Variants in PCGF5 observed in about 807,000 individuals in gnomAD.
The protein encoded by PCGF5 is polycomb group ring finger 5, also known as polycomb group RING finger protein 5.
In PCGF5, 9 loss-of-function variants were observed where a neutral mutation model predicts 44.3. The observed-to-expected ratio is 0.20, with a 90% CI of 0.12 to 0.35. The LOEUF is 0.35. PCGF5 is among the 10% of genes least tolerant of loss of function. The pLI, the probability that PCGF5 is intolerant of heterozygous loss-of-function variation, is 1.00. For missense variants in PCGF5, 146 were observed against 305.3 expected (o/e 0.48, Z 3.89); for synonymous variants, 95 against 102.5 (o/e 0.93, Z 0.44).
chr10:91,174,997 T>A (rs1337209638), intron 1 of PCGF5, among the ~76,000 whole-genome samples: 2 of 152,210 alleles, frequency 1.3e-5, no homozygotes, highest in Non-Finnish European at 2.9e-5. Context: ...GATACCTAAG[T>A]GCCTTTAACT....
At chr10:91,173,453 T>C (rs1301135309) in intron 1 of PCGF5, among the ~76,000 whole-genome samples, 7 of 152,134 alleles carry the variant, frequency 4.6e-5, no homozygotes, top group African/African-American at 1.7e-4. Flanking sequence ...GAAATGTAAA[T>C]ACACAGTTAA....
intron 6 of PCGF5, among the ~76,000 whole-genome samples, chr10:91,257,541 G>GT (rs1342861456): frequency 6.6e-6 from 1 of 151,912 alleles, no homozygotes; most frequent in Non-Finnish European, 1.5e-5. Flanking sequence ...GTATATACTG[G>GT]TTTTTTTAAT....
chr10:91,279,650 C>T lies in PCGF5; in HGVS notation c.*1334C>T, dbSNP rs750270217. 5.9e-5 allele frequency: 9 copies of T among 151,994 alleles called. No homozygotes were observed. The East Asian group carries it at 7.7e-4, about 13-fold the overall frequency. 9.4% of individuals were successfully genotyped at this position (151,994 alleles called of 1,614,324 possible). A position where few individuals can be genotyped will look rare whatever the true frequency, so the allele number is the denominator to read the frequency against. ...TTTAATATTTACAGTTTTCAAAAAC[C>T]TTACTTGGAAATTGCTTTGAAACAA... On this transcript the variant is annotated 3_prime_UTR_variant, in exon 10 of 10. Transcript: ENST00000336126.
chr10:91,206,773 T>C (rs1382355799), intron 1 of PCGF5, among the ~76,000 whole-genome samples: 6 of 152,178 alleles, frequency 3.9e-5, no homozygotes, highest in Non-Finnish European at 1.5e-5. Flanking sequence ...CCTCCATGCC[T>C]TTGCCTTACA....
rs915721228 is a variant in PCGF5 at position 91,278,390 on chromosome 10, G to A, written c.*74G>A. On this transcript the variant is annotated 3_prime_UTR_variant, in exon 10 of 10. Coordinates refer to ENST00000336126, the MANE Select transcript of PCGF5 (RefSeq NM_032373.5). The stretch of plus-strand genomic sequence containing the variant: ...CTCGTCAACAGATTGCACAGTTAAC[G>A]GTGTGTGGACTAGAGGAACACAACC... 15 of 1,348,086 alleles carry A rather than the reference G, an allele frequency of 1.1e-5. No homozygotes were observed. Among genetic ancestry groups the A allele is most frequent in the Admixed American group, 3.4e-5 (2 of 59,080 alleles). The allele number at this position is 1,348,086 out of a possible 1,614,324, so 83.5% of individuals were successfully genotyped here.
intron 1 of PCGF5, among the ~76,000 whole-genome samples, chr10:91,171,277 A>C (rs998881228): frequency 2.0e-5 from 3 of 152,196 alleles, no homozygotes; most frequent in African/African-American, 4.8e-5. Context: ...TCTGAAGAGG[A>C]AAGTTGATGG....
chr10:91,185,958 T>C (rs1843915711), intron 1 of PCGF5, among the ~76,000 whole-genome samples: 1 of 151,986 alleles, frequency 6.6e-6, no homozygotes, highest in Admixed American at 6.5e-5. Flanking sequence ...CTGTATTTAC[T>C]CGCCCCTTTC....
At chr10:91,237,040 C>T (rs35818406) in intron 2 of PCGF5, among the ~76,000 whole-genome samples, 1 of 152,064 alleles carries the variant, frequency 6.6e-6, no homozygotes, top group East Asian at 1.9e-4. Context: ...CATTGGTTAA[C>T]AAAATGGATT....
At chr10:91,174,056 A>C (rs901083675) in intron 1 of PCGF5, among the ~76,000 whole-genome samples, 1 of 151,538 alleles carries the variant, frequency 6.6e-6, no homozygotes, top group Non-Finnish European at 1.5e-5. Context: ...AATGCAATGA[A>C]GATTTTTCAC....
At chr10:91,232,717 G>T (rs551367311) in intron 2 of PCGF5, among the ~76,000 whole-genome samples, 2 of 152,288 alleles carry the variant, frequency 1.3e-5, no homozygotes, top group South Asian at 4.1e-4. Flanking sequence ...AATAGGTGTG[G>T]TGGTAAAAGT....
At chr10:91,261,217 T>A in intron 6 of PCGF5, 109 bp from the exon 7 acceptor site, 1 of 1,276,134 alleles carries the variant, frequency 7.8e-7, no homozygotes, top group Admixed American at 3.6e-5. Flanking sequence ...CAATACATTT[T>A]AAAAATACTC....
chr10:91,214,683 A>G (rs1844510486), intron 1 of PCGF5, among the ~76,000 whole-genome samples: 2 of 152,224 alleles, frequency 1.3e-5, no homozygotes, highest in Non-Finnish European at 2.9e-5. Flanking sequence ...GAGGAGCACG[A>G]CAAACAGATG....
At chr10:91,262,872 C>T (rs750848950) in intron 7 of PCGF5, among the ~76,000 whole-genome samples, 1 of 152,180 alleles carries the variant, frequency 6.6e-6, no homozygotes. Context: ...TTATTTTCTT[C>T]ACGCAAAATA....
intron 1 of PCGF5, among the ~76,000 whole-genome samples, chr10:91,214,982 G>C (rs989605665): frequency 1.3e-5 from 2 of 152,078 alleles, no homozygotes; most frequent in Non-Finnish European, 2.9e-5. Flanking sequence ...TACTTCACTG[G>C]TAAAAAGGAT....
At chr10:91,214,463 A>G (rs1440186836) in intron 1 of PCGF5, among the ~76,000 whole-genome samples, 2 of 152,158 alleles carry the variant, frequency 1.3e-5, no homozygotes, top group African/African-American at 2.4e-5. Context: ...CTACCAGAAG[A>G]AGGGACTATA....
At chr10:91,277,544 C>G (rs2133472968) in intron 9 of PCGF5, among the ~76,000 whole-genome samples, 1 of 152,286 alleles carries the variant, frequency 6.6e-6, no homozygotes, top group African/African-American at 2.4e-5. Context: ...GCTGTTTCCT[C>G]TCTAGTTCTG....
intron 2 of PCGF5, chr10:91,227,629 A>G (rs902874711): frequency 1.8e-4 from 204 of 1,129,420 alleles, no homozygotes; most frequent in Non-Finnish European, 2.1e-4. Flanking sequence ...CCAAGTGGTA[A>G]TAATTAAAAA....
intron 1 of PCGF5, among the ~76,000 whole-genome samples, chr10:91,209,119 G>C (rs1408338830): frequency 6.6e-6 from 1 of 152,234 alleles, no homozygotes; most frequent in South Asian, 2.1e-4. Flanking sequence ...ATAGTATTTT[G>C]TGTTGCTTAG....
intron 2 of PCGF5, among the ~76,000 whole-genome samples, chr10:91,232,857 A>G (rs1845048396): frequency 6.6e-6 from 1 of 152,184 alleles, no homozygotes; most frequent in South Asian, 2.1e-4. Context: ...ACTAGCAAGA[A>G]GCGTAATGGA....
Sources: gnomAD v4.1 joint callset for allele counts (sites outside exome capture counted in the v4.1 genomes callset) on GRCh38, gnomAD v4.1.1 for gene constraint, MANE v1.5 for transcripts, NCBI Gene and HGNC (gene_info 2026-07-23, HGNC 2026-07-21) for gene names.